Variants in AMOTL1 observed in about 807,000 individuals in gnomAD.
The protein encoded by AMOTL1 is angiomotin-like protein 1.
Under a neutral mutation model 102.9 loss-of-function variants are expected in AMOTL1, and 45 were observed. The ratio of observed to expected loss-of-function variants is 0.44; its 90% CI spans 0.34 to 0.56. AMOTL1 has a LOEUF of 0.56. Ranked by LOEUF, AMOTL1 falls within the 20% of genes least tolerant of loss-of-function variation. AMOTL1 has a pLI of 0.01. For synonymous variants in AMOTL1, 481 were observed against 484.7 expected (o/e 0.99, Z 0.10); for missense variants, 1,114 against 1,225.6 (o/e 0.91, Z 1.36).
In AMOTL1 at chr11:94,831,225, G is replaced by A. The variant is rs541148156; in HGVS notation, c.1559-227G>A. 8.5e-5 allele frequency among the ~76,000 whole-genome samples: 13 copies of A among 152,248 alleles called. No homozygotes were observed. The East Asian group carries it at 1.9e-3, about 23-fold the overall frequency. On this transcript the variant is annotated intron_variant, in intron 5 of 12. Transcript: ENST00000433060. ...ACCTCTCCCTAGCTGCCTGCTGCTC[G>A]TGCATATCATTTGGCATTAGATCGC...
intron 3 of AMOTL1, among the ~76,000 whole-genome samples, chr11:94,759,316 A>G (rs1049298834): frequency 5.3e-5 from 8 of 152,166 alleles, no homozygotes; most frequent in African/African-American, 1.9e-4. Flanking sequence ...AAAAATATAC[A>G]CATAGGTGCT....
At chr11:94,712,737 C>T (rs1950038710) in intron 1 of AMOTL1, among the ~76,000 whole-genome samples, 1 of 151,866 alleles carries the variant, frequency 6.6e-6, no homozygotes, top group Non-Finnish European at 1.5e-5. Context: ...AGATATAAGT[C>T]CTTTATTAGA....
intron 2 of AMOTL1, chr11:94,796,879 C>T (rs1263575805): frequency 6.2e-5 from 31 of 497,924 alleles, no homozygotes; most frequent in Non-Finnish European, 7.8e-5. Flanking sequence ...TTTACATACA[C>T]ATATAGATGT....
chr11:94,720,661 T>G (rs1374753720), intron 1 of AMOTL1, among the ~76,000 whole-genome samples: 1 of 152,134 alleles, frequency 6.6e-6, no homozygotes, highest in Non-Finnish European at 1.5e-5. Context: ...CTTTTGGTGC[T>G]TCTCCCTATC....
chr11:94,840,238 A>G (rs971531562), intron 6 of AMOTL1, among the ~76,000 whole-genome samples: 12 of 152,280 alleles, frequency 7.9e-5, no homozygotes, highest in African/African-American at 2.6e-4. Flanking sequence ...TTTCAAAACT[A>G]TTTTTAGTTC....
intron 1 of AMOTL1, among the ~76,000 whole-genome samples, chr11:94,708,847 T>C (rs1949974114): frequency 6.6e-6 from 1 of 152,194 alleles, no homozygotes; most frequent in Admixed American, 6.5e-5. Flanking sequence ...TGTGTAGTAC[T>C]ACCAATTGAG....
At position 94,866,037 on chromosome 11, in the gene AMOTL1, C is replaced by A; in HGVS notation, c.2357C>A (p.Ser786Tyr). 6.2e-7 allele frequency: 1 copy of A among 1,613,974 alleles called. No homozygotes were observed. The highest frequency in any genetic ancestry group is 8.5e-7 in the Non-Finnish European group (1 of 1,179,888). The change falls in exon 11 of 13, where the codon TCC (serine) becomes TAC (tyrosine). Residue 786 changes from serine to tyrosine, a missense_variant. Coordinates refer to ENST00000433060, the MANE Select transcript of AMOTL1 (RefSeq NM_130847.3). Reference sequence around the variant, plus strand: ...AAAGATGCCGGGAAGACAGACTCCTCCAGCCTACGTCCTGCCCGCTCCGTT... The same window carrying A: ...AAAGATGCCGGGAAGACAGACTCCTACAGCCTACGTCCTGCCCGCTCCGTT... ...SRKDAGKTDS[S>Y]SLRPARSVPS...
chr11:94,833,560 C>A (rs1175075996), intron 6 of AMOTL1, among the ~76,000 whole-genome samples: 1 of 152,194 alleles, frequency 6.6e-6, no homozygotes, highest in African/African-American at 2.4e-5. Flanking sequence ...CTTAGAAATA[C>A]CTTTTACCCT....
At chr11:94,770,282 T>C (rs1039651690) in intron 1 of AMOTL1, among the ~76,000 whole-genome samples, 2 of 152,208 alleles carry the variant, frequency 1.3e-5, no homozygotes, top group Admixed American at 1.3e-4. Context: ...TTGAAGGCTC[T>C]TTATGAGAAT....
rs182331198 is a variant in AMOTL1 at position 94,834,354 on chromosome 11, G to A, written c.1648+2813G>A. Among the ~76,000 whole-genome samples the A allele has an allele frequency of 1.4e-3, 207 of 152,250 alleles. 1 individual carries two copies. Among genetic ancestry groups the A allele is most frequent in the African/African-American group, 4.6e-3 (193 of 41,560 alleles). ...TGTAATCCCAGCACTTTGGGAGGCC[G>A]AGGCAGGTGGATCACGAGGTCAGGA... On this transcript the variant is annotated intron_variant, in intron 6 of 12. Coordinates refer to ENST00000433060, the MANE Select transcript of AMOTL1 (RefSeq NM_130847.3).
chr11:94,759,136 G>T lies in AMOTL1; in HGVS notation c.136+18148G>T, dbSNP rs554494810. Among the ~76,000 whole-genome samples the T allele has an allele frequency of 1.2e-3, 182 of 152,244 alleles. 2 individuals carry two copies. The highest frequency in any genetic ancestry group is 4.3e-3 in the African/African-American group (179 of 41,544). ...TTCTTTTGTAGTTTTAACCAAAAAA[G>T]TGCCCTTTTTGTCACTGGATTCACC... On this transcript the variant is annotated intron_variant, in intron 3 of 4. Transcript: ENST00000299004.
At chr11:94,728,484 A>T (rs182782239) in intron 1 of AMOTL1, among the ~76,000 whole-genome samples, 1 of 152,334 alleles carries the variant, frequency 6.6e-6, no homozygotes, top group East Asian at 1.9e-4. Context: ...AGAAAATTAC[A>T]AGGAAGATAA....
chr11:94,814,573 A>G (rs980780789), intron 3 of AMOTL1, among the ~76,000 whole-genome samples: 1 of 152,200 alleles, frequency 6.6e-6, no homozygotes, highest in African/African-American at 2.4e-5. Context: ...TACCAGTGCT[A>G]TGAAACAGCC....
At chr11:94,742,851 G>T (rs943200434) in intron 3 of AMOTL1, among the ~76,000 whole-genome samples, 9 of 152,260 alleles carry the variant, frequency 5.9e-5, no homozygotes, top group Admixed American at 5.9e-4. Flanking sequence ...TCTTCTCACT[G>T]TGTCCTCAAC....
chr11:94,710,033 A>G (rs1949997943), intron 1 of AMOTL1, among the ~76,000 whole-genome samples: 2 of 152,206 alleles, frequency 1.3e-5, no homozygotes, highest in East Asian at 3.9e-4. Flanking sequence ...GGGAAAAAAC[A>G]TTTCTCACAC....
chr11:94,811,007 T>C (rs934991352), intron 3 of AMOTL1, among the ~76,000 whole-genome samples: 2 of 152,218 alleles, frequency 1.3e-5, no homozygotes, highest in Non-Finnish European at 1.5e-5. Context: ...AATACAAATG[T>C]CAAACCAGAA....
At chr11:94,791,184 A>G (rs944954017) in intron 1 of AMOTL1, among the ~76,000 whole-genome samples, 10 of 152,222 alleles carry the variant, frequency 6.6e-5, no homozygotes, top group African/African-American at 2.4e-4. Flanking sequence ...TGACGTGCAG[A>G]TTTTGTTAAG....
intron 1 of AMOTL1, among the ~76,000 whole-genome samples, chr11:94,719,801 T>C (rs1171154258): frequency 1.3e-5 from 2 of 152,150 alleles, no homozygotes; most frequent in Non-Finnish European, 2.9e-5. Context: ...TTTTCTGTGA[T>C]AGAAACCCAA....
intron 2 of AMOTL1, among the ~76,000 whole-genome samples, chr11:94,796,381 C>T (rs1233707457): frequency 1.3e-5 from 2 of 152,148 alleles, no homozygotes; most frequent in Non-Finnish European, 2.9e-5. Flanking sequence ...TGAACGCCTT[C>T]TGTGTATCAG....
Sources: gnomAD v4.1 joint callset for allele counts (sites outside exome capture counted in the v4.1 genomes callset) on GRCh38, gnomAD v4.1.1 for gene constraint, MANE v1.5 for transcripts, NCBI Gene and HGNC (gene_info 2026-07-23, HGNC 2026-07-21) for gene names.